Variants in THSD7A observed in about 807,000 individuals in gnomAD.
The protein encoded by THSD7A is thrombospondin type 1 domain containing 7A.
THSD7A carries 96 observed loss-of-function variants against 231.3 expected under a neutral mutation model. The observed-to-expected ratio is 0.41, with a 90% CI of 0.35 to 0.49. The LOEUF is 0.49. Among genes scored for constraint, THSD7A ranks in the 20% least tolerant of loss-of-function variants. THSD7A has a pLI of 0.05. For synonymous variants in THSD7A, 940 were observed against 743.3 expected, an observed-to-expected ratio of 1.26 and a Z score of -4.30; for missense variants, 2,290 against 2,070.2, an observed-to-expected ratio of 1.11 and a Z score of -2.06.
At chr7:11,544,979 A>G (rs1295063126) in intron 4 of THSD7A, among the ~76,000 whole-genome samples, 2 of 152,170 alleles carry the variant, frequency 1.3e-5, no homozygotes, top group Non-Finnish European at 2.9e-5. Flanking sequence ...ATTGCTTTCC[A>G]GGAGCAGAAG....
At chr7:11,418,050 G>A (rs1178755581) in intron 16 of THSD7A, among the ~76,000 whole-genome samples, 1 of 152,184 alleles carries the variant, frequency 6.6e-6, no homozygotes, top group Non-Finnish European at 1.5e-5. Context: ...AGAAGGTAGA[G>A]TTAGTTGATT....
At chr7:11,656,328 T>G (rs754319639) in intron 1 of THSD7A, among the ~76,000 whole-genome samples, 1 of 151,850 alleles carries the variant, frequency 6.6e-6, no homozygotes, top group Non-Finnish European at 1.5e-5. Flanking sequence ...AATTAAATTA[T>G]TTTTACAGGA....
At chr7:11,744,276 T>A (rs1406960969) in intron 1 of THSD7A, among the ~76,000 whole-genome samples, 1 of 151,794 alleles carries the variant, frequency 6.6e-6, no homozygotes, top group Non-Finnish European at 1.5e-5. Context: ...ACATACTGAC[T>A]GATGTACCAA....
intron 1 of THSD7A, among the ~76,000 whole-genome samples, chr7:11,640,404 T>G (rs891107639): frequency 1.3e-5 from 2 of 152,188 alleles, no homozygotes; most frequent in African/African-American, 4.8e-5. Context: ...TCATTGATTA[T>G]CTAGAGATTT....
chr7:11,494,804 T>C (rs187761174), intron 6 of THSD7A, among the ~76,000 whole-genome samples: 1 of 152,196 alleles, frequency 6.6e-6, no homozygotes, highest in Non-Finnish European at 1.5e-5. Context: ...GGGCACTTCA[T>C]AAAAGCTGGT....
rs1383685065 is a variant in THSD7A at position 11,469,899 on chromosome 7, C to T, written c.2348G>A (p.Cys783Tyr). The T allele has an allele frequency of 6.3e-7, 1 of 1,598,084 alleles. No homozygotes were observed. The highest frequency in any genetic ancestry group is 1.7e-5 in the Admixed American group (1 of 58,456). The part of the protein sequence containing the change: ...IVTPYSDWTS[C>Y]PSSCKEGDSS... ...CATACCTTCTTTACACGAAGAGGGG[C>T]ATGATGTCCAGTCACTATATGGGGT... The change falls in exon 9 of 28, where the codon TGC (cysteine) becomes TAC (tyrosine). Residue 783 changes from cysteine (C) to tyrosine (Y), a missense_variant. Coordinates refer to ENST00000423059, the MANE Select transcript of THSD7A (RefSeq NM_015204.3).
At chr7:11,419,619 T>C (rs1341449450) in intron 16 of THSD7A, among the ~76,000 whole-genome samples, 1 of 152,156 alleles carries the variant, frequency 6.6e-6, no homozygotes, top group Non-Finnish European at 1.5e-5. Context: ...AGCATTGCTA[T>C]AAAGTTACCT....
chr7:11,662,591 G>T (rs1782971825), intron 1 of THSD7A, among the ~76,000 whole-genome samples: 2 of 151,404 alleles, frequency 1.3e-5, no homozygotes, highest in Admixed American at 6.6e-5. Context: ...ATACAAAACT[G>T]CATTCAGTAC....
Position 11,747,406 on chromosome 7 carries a change from T to C in THSD7A, c.190+84351A>G, listed in dbSNP as rs554165908. Among the ~76,000 whole-genome samples, 25 of 152,068 alleles carry C rather than the reference T, an allele frequency of 1.6e-4. No individual in the cohort carries two copies. In the South Asian group the frequency reaches 5.0e-3, roughly 30 times the overall value. On this transcript the variant is annotated intron_variant, in intron 1 of 27. Coordinates refer to ENST00000423059, the MANE Select transcript of THSD7A (RefSeq NM_015204.3). ...CCGTTGAGTGAGTTTAAATTGAAAA[T>C]AAAGTGAATTTGAGAATACCAAAAT... is the stretch of plus-strand genomic sequence containing the variant.
In THSD7A at chr7:11,831,850, G is replaced by A. The variant is rs902916677; in HGVS notation, c.97C>T (p.Pro33Ser). 3.2e-6 allele frequency: 4 copies of A among 1,247,942 alleles called. No individual in the cohort carries two copies. The highest frequency in any genetic ancestry group is 2.9e-5 in the South Asian group (1 of 34,000). 77.3% of individuals were successfully genotyped at this position (1,247,942 alleles called of 1,614,324 possible). Residue 33 changes from proline to serine, a missense_variant, in exon 1 of 28, where the codon CCG (proline) becomes TCG (serine). By Grantham distance (74) the Pro-to-Ser change is moderately conservative. Coordinates refer to ENST00000423059, the MANE Select transcript of THSD7A (RefSeq NM_015204.3). The surrounding 1 kb of genome is among the most constrained non-coding windows in gnomAD (Gnocchi z 5.0). Reference sequence around the variant, plus strand: ...CGTAGCAGCAGCAGCAGGAGCAGCGGCAGCGGCAGCGGCAGCGGCAGCAGC... The same window carrying A: ...CGTAGCAGCAGCAGCAGGAGCAGCGACAGCGGCAGCGGCAGCGGCAGCAGC... The part of the protein sequence containing the change: ...LQLLPLPLPL[P>S]LLLLLLLRPG...
intron 1 of THSD7A, among the ~76,000 whole-genome samples, chr7:11,695,815 A>G (rs956299795): frequency 6.6e-6 from 1 of 151,428 alleles, no homozygotes; most frequent in African/African-American, 2.4e-5. Flanking sequence ...ACATTTTTCA[A>G]TTTGGTGAGG....
At chr7:11,440,491 C>T (rs547771027) in intron 13 of THSD7A, among the ~76,000 whole-genome samples, 17 of 152,080 alleles carry the variant, frequency 1.1e-4, no homozygotes, top group African/African-American at 4.1e-4. Context: ...AAAGGATTCA[C>T]CAACCTAGAT....
At chr7:11,684,253 C>T (rs183591484) in intron 1 of THSD7A, among the ~76,000 whole-genome samples, 6 of 151,816 alleles carry the variant, frequency 4.0e-5, no homozygotes, top group East Asian at 3.9e-4. Flanking sequence ...AAGTCCCATC[C>T]GTGACAAACT....
At chr7:11,478,857 C>CCT (rs1415970759) in intron 7 of THSD7A, among the ~76,000 whole-genome samples, 3 of 152,076 alleles carry the variant, frequency 2.0e-5, no homozygotes, top group African/African-American at 4.8e-5. Flanking sequence ...AGTCAATACT[C>CCT]CTCTCATTTT....
intron 6 of THSD7A, among the ~76,000 whole-genome samples, chr7:11,508,431 G>C (rs941016436): frequency 4.6e-5 from 7 of 151,434 alleles, no homozygotes; most frequent in African/African-American, 1.5e-4. Flanking sequence ...AAAACAAAAG[G>C]TGAAAAAAAA....
chr7:11,732,996 T>C (rs562285694), intron 1 of THSD7A, among the ~76,000 whole-genome samples: 2 of 151,794 alleles, frequency 1.3e-5, no homozygotes, highest in South Asian at 4.1e-4. Context: ...CTAAGCAGTA[T>C]TTGGTAATGT....
In THSD7A at chr7:11,812,105, TTGTG is replaced by T. The variant is rs34130500; in HGVS notation, c.190+19648_190+19651del. Among the ~76,000 whole-genome samples, 180 of 133,320 alleles carry T rather than the reference TTGTG, an allele frequency of 1.4e-3. 2 individuals carry two copies. Among genetic ancestry groups the T allele is most frequent in the East Asian group, 0.01 (48 of 4,674 alleles). 87.5% of individuals were successfully genotyped at this position (133,320 alleles called of 152,430 possible). On this transcript the variant is annotated intron_variant, in intron 1 of 27. Transcript: ENST00000423059. ...GACTATAAAGGAGAAGAAAAGAAAA[TTGTG>T]TGTGTGTGTGTGTGTGTGTGTGTGT... is the stretch of plus-strand genomic sequence containing the variant.
Position 11,722,873 on chromosome 7 carries a change from C to T in THSD7A, c.191-85912G>A, listed in dbSNP as rs183903582. ...GAGAAATAGGAACACTTTTACACTG[C>T]TGGTGGGACTGTAAACTAATTCAAC... On this transcript the variant is annotated intron_variant, in intron 1 of 27. Transcript: ENST00000423059. Among the ~76,000 whole-genome samples the T allele has an allele frequency of 6.1e-3, 933 of 152,030 alleles. 3 individuals carry two copies. The highest frequency in any genetic ancestry group is 9.0e-3 in the Non-Finnish European group (615 of 67,960).
intron 1 of THSD7A, among the ~76,000 whole-genome samples, chr7:11,744,186 G>C (rs951848378): frequency 5.3e-5 from 8 of 151,848 alleles, no homozygotes; most frequent in African/African-American, 1.9e-4. Flanking sequence ...GCTAATGACA[G>C]TCTAGAAGGA....
Sources: gnomAD v4.1 joint callset for allele counts (sites outside exome capture counted in the v4.1 genomes callset) on GRCh38, gnomAD v4.1.1 for gene constraint, Gnocchi (gnomAD v3.1) non-coding constraint, MANE v1.5 for transcripts, NCBI Gene and HGNC (gene_info 2026-07-23, HGNC 2026-07-21) for gene names.